UPF3B: variants seen among roughly 807,000 people sequenced by gnomAD.
UPF3B encodes regulator of nonsense transcripts 3B.
Under a neutral mutation model 40.3 loss-of-function variants are expected in UPF3B, and 7 were observed. The ratio of observed to expected loss-of-function variants is 0.17; its 90% confidence interval spans 0.10 to 0.33. The LOEUF (loss-of-function observed/expected upper bound fraction) is 0.33. UPF3B is among the 10% of genes least tolerant of loss of function. UPF3B has a pLI of 1.00. For missense variants in UPF3B, 229 were observed against 358.9 expected, an observed-to-expected ratio of 0.64 and a Z score of 2.93; for synonymous variants, 117 against 117.3, an observed-to-expected ratio of 1.00 and a Z score of 0.01.
exon 4 of UPF3B, chrX:119,822,994 C>A: frequency 1.1e-6 from 1 of 891,147 alleles, no homozygotes; most frequent in South Asian, 3.2e-5. Flanking sequence ...GTGCCAGAGT[C>A]GACCTCGGCC....
downstream of UPF3B, chrX:119,833,897 A>C: frequency 3.0e-6 from 1 of 328,258 alleles, no homozygotes; most frequent in Non-Finnish European, 4.0e-6. Flanking sequence ...GCCTGCTTCT[A>C]CTTCACCTTC....
At chrX:119,815,157 C>T in intron 5 of UPF3B, 1 of 698,181 alleles carries the variant, frequency 1.4e-6, no homozygotes. Context: ...TGAACCATCA[C>T]ACCCAGCCTC....
intron 8 of UPF3B, among the ~76,000 whole-genome samples, chrX:119,838,818 C>T (rs1408213063): frequency 1.8e-5 from 2 of 111,334 alleles, no homozygotes; most frequent in African/African-American, 6.5e-5. Flanking sequence ...CTCTGTTGCC[C>T]ATGCTGGAGT....
At position 119,837,941 on chromosome X, in the gene UPF3B, C is replaced by T. The variant is rs146785878; in HGVS notation, c.1118G>A (p.Arg373His). 47 of 1,208,690 alleles carry T rather than the reference C, an allele frequency of 3.9e-5. No homozygotes were observed. Among genetic ancestry groups the T allele is most frequent in the African/African-American group, 1.8e-4 (10 of 56,864 alleles). Residue 373 changes from arginine (R) to histidine (H), a missense_variant, in exon 10 of 11, where the codon CGC becomes CAC. Physicochemically the swap from Arg to His is conservative, Grantham distance 29. Transcript: ENST00000276201. Reference protein sequence around the residue: ...RERLKRQEEERRRQKERYEKE... With the variant: ...RERLKRQEEEHRRQKERYEKE... The stretch of plus-strand genomic sequence containing the variant: ...CTCATAGCGCTCCTTCTGCCTACGG[C>T]GCTCTTCTTCTTGCCGCTTCAGCCT...
Position 119,843,317 on chromosome X carries a change from A to G in UPF3B, c.470-16T>C. 1 of 1,032,540 alleles carries G rather than the reference A, an allele frequency of 9.7e-7. No homozygotes were observed. The highest frequency in any genetic ancestry group is 1.4e-6 in the Non-Finnish European group (1 of 733,257). The allele number at this position is 1,032,540 out of a possible 1,213,427, so 85.1% of individuals were successfully genotyped here. A position where few individuals can be genotyped will look rare whatever the true frequency, so the allele number is the denominator to read the frequency against. On this transcript the variant is annotated splice_polypyrimidine_tract_variant and intron_variant, in intron 4 of 10. Transcript: ENST00000276201. ...TATTCTGGATCTAAATAATCATTTGAGGAAACAGAAAATATAATAGACTTT... is the reference window on the plus strand; with the variant it reads ...TATTCTGGATCTAAATAATCATTTGGGGAAACAGAAAATATAATAGACTTT...
intron 10 of UPF3B, among the ~76,000 whole-genome samples, chrX:119,837,514 G>A (rs1486256539): frequency 9.3e-6 from 1 of 106,955 alleles, no homozygotes; most frequent in African/African-American, 3.4e-5. Context: ...TACTTGGGAG[G>A]CTGAAGCAGA....
At chrX:119,845,014 CTG>C (rs1431780701) in intron 4 of UPF3B, among the ~76,000 whole-genome samples, 182 bp downstream of exon 4, 1 of 112,554 alleles carries the variant, frequency 8.9e-6, no homozygotes, top group African/African-American at 3.2e-5. Flanking sequence ...AGCAGAGATT[CTG>C]TGCAAGAAAC....
At chrX:119,826,152 C>A (rs1569459912) in intron 3 of UPF3B, among the ~76,000 whole-genome samples, 1 of 108,928 alleles carries the variant, frequency 9.2e-6, no homozygotes, top group African/African-American at 3.4e-5. Flanking sequence ...CAGAGTGAGA[C>A]TCTGTCTCAA....
Position 119,851,747 on chromosome X carries a change from CCT to C in UPF3B, c.263+18_263+19del. 2 of 415,633 alleles carry C rather than the reference CCT, an allele frequency of 4.8e-6. No homozygotes were observed. Among genetic ancestry groups the C allele is most frequent in the South Asian group, 4.7e-5 (1 of 21,366 alleles). The allele number at this position is 415,633 out of a possible 1,213,427, so 34.3% of individuals were successfully genotyped here. A position where few individuals can be genotyped will look rare whatever the true frequency, so the allele number is the denominator to read the frequency against. On this transcript the variant is annotated intron_variant, in intron 2 of 10. Coordinates refer to ENST00000276201, the MANE Select transcript of UPF3B (RefSeq NM_080632.3). Reference sequence around the variant, plus strand: ...AGAAACCTTTTTCATTTACCCCTTTCCTTTTTTTTTTTTTTTTACCTCGTATC... The same window carrying C: ...AGAAACCTTTTTCATTTACCCCTTTCTTTTTTTTTTTTTTTACCTCGTATC...
chrX:119,837,045 G>C (rs2056103523), intron 10 of UPF3B, among the ~76,000 whole-genome samples: 1 of 107,781 alleles, frequency 9.3e-6, no homozygotes, highest in African/African-American at 3.4e-5. Flanking sequence ...CCAGGTTCAA[G>C]TGATTCTTCT....
downstream of UPF3B, among the ~76,000 whole-genome samples, chrX:119,829,689 T>G (rs1874764170): frequency 8.9e-6 from 1 of 111,813 alleles, no homozygotes; most frequent in African/African-American, 3.2e-5. Flanking sequence ...TACCTCTATG[T>G]AATGTTAGGG....
At chrX:119,818,790 G>A (rs903266122) in intron 4 of UPF3B, among the ~76,000 whole-genome samples, 4 of 111,729 alleles carry the variant, frequency 3.6e-5, no homozygotes, top group African/African-American at 1.3e-4. Flanking sequence ...GCCATGGAAT[G>A]TCAAAAGCCG....
chrX:119,824,764 C>CTTTT (rs11351287), intron 3 of UPF3B, among the ~76,000 whole-genome samples: 305 of 65,564 alleles, frequency 4.7e-3, no homozygotes, highest in Non-Finnish European at 7.0e-3. Flanking sequence ...CCATTTCTTT[C>CTTTT]TTTTTTTTTT....
Position 119,812,193 on chromosome X carries a change from C to T in UPF3B, c.602+3007G>A, listed in dbSNP as rs141435474. On this transcript the variant is annotated intron_variant, in intron 5 of 6. Coordinates refer to the UPF3B transcript ENST00000636792. ...TCTTCAACTCAGGAGGTGGAGGTTGCAGTGAGCCAAGATGGCACCACTGCA... is the reference window on the plus strand; with the variant it reads ...TCTTCAACTCAGGAGGTGGAGGTTGTAGTGAGCCAAGATGGCACCACTGCA... Among the ~76,000 whole-genome samples the T allele has an allele frequency of 4.2e-3, 466 of 110,454 alleles. 4 individuals are homozygous for T. The highest frequency in any genetic ancestry group is 0.015 in the African/African-American group (446 of 30,404).
rs1475887863 is a variant in UPF3B, at chrX:119,852,178, T to C, written c.157-305A>G. 3.6e-5 allele frequency among the ~76,000 whole-genome samples: 4 copies of C among 111,694 alleles called. No homozygotes were observed. In the East Asian group the frequency reaches 1.1e-3, roughly 31 times the overall value. ...TTTCGATCACCCATTTTTTAACAGA[T>C]CTAGTGGCAATAACTTAGTAAGCCA... is the stretch of plus-strand genomic sequence containing the variant. On this transcript the variant is annotated intron_variant, in intron 1 of 10. Transcript: ENST00000276201.
chrX:119,835,004 G>A lies in UPF3B; in HGVS notation c.1326C>T (p.Tyr442=). The A allele has an allele frequency of 8.3e-7, 1 of 1,211,988 alleles. No individual in the cohort carries two copies. The highest frequency in any genetic ancestry group is 1.1e-6 in the Non-Finnish European group (1 of 895,562). Residue 442 remains tyrosine, a synonymous_variant, in exon 11 of 11, where the codon TAC becomes TAT. Transcript: ENST00000276201. ...GATTTCGGCTTCGAGCTCCTGGTTG[G>A]TAAAGCTGCATCGCTGGACGATCCT... ...RNKDRPAMQL[Y]QPGARSRNRL...
intron 4 of UPF3B, among the ~76,000 whole-genome samples, chrX:119,819,955 T>C (rs185534729): frequency 9.6e-6 from 1 of 104,217 alleles, no homozygotes; most frequent in Non-Finnish European, 2.0e-5. Flanking sequence ...AACGATTCTC[T>C]AGCCTCAGCC....
intron 3 of UPF3B, among the ~76,000 whole-genome samples, chrX:119,848,791 A>C (rs2056265967): frequency 9.5e-6 from 1 of 105,599 alleles, no homozygotes; most frequent in Non-Finnish European, 2.0e-5. Context: ...AGATACATAA[A>C]GTAGATTAGT....
chrX:119,832,320 A>G (rs1210992998), downstream of UPF3B, among the ~76,000 whole-genome samples: 1 of 112,083 alleles, frequency 8.9e-6, no homozygotes, highest in Non-Finnish European at 1.9e-5. Flanking sequence ...TTGCAGTGGC[A>G]TGATCTTGGC....
Sources: allele counts gnomAD v4.1 joint callset (sites outside exome capture counted in the v4.1 genomes callset), GRCh38; gene constraint gnomAD v4.1.1; transcripts MANE v1.5; gene names NCBI Gene and HGNC (gene_info 2026-07-23, HGNC 2026-07-21).